Variants in ZNF780B observed in about 807,000 individuals in gnomAD.
ZNF780B encodes zinc finger protein 779.
A neutral mutation model predicts 74.1 loss-of-function variants in ZNF780B; 52 were observed. That is an observed-to-expected ratio of 0.70 (90% CI 0.56 to 0.88). The LOEUF (loss-of-function observed/expected upper bound fraction) is 0.88, where lower values mean the gene tolerates loss of function less well. Among genes scored for constraint, ZNF780B ranks in the 40% least tolerant of loss-of-function variants. The pLI is 0.00. For missense variants in ZNF780B, 953 were observed against 1,007.6 expected, an observed-to-expected ratio of 0.95 and a Z score of 0.73; for synonymous variants, 315 against 324.3, an observed-to-expected ratio of 0.97 and a Z score of 0.31.
chr19:40,047,533 G>C, intron 3 of ZNF780B, 63 bp from the exon 4 acceptor site: 2 of 1,114,932 alleles, frequency 1.8e-6, no homozygotes, highest in Non-Finnish European at 2.5e-6. Context: ...TAAACCCTGA[G>C]ACCTAGTTAA....
intron 3 of ZNF780B, among the ~76,000 whole-genome samples, chr19:40,047,984 T>C (rs1327705250): frequency 6.6e-6 from 1 of 152,204 alleles, no homozygotes; most frequent in East Asian, 1.9e-4. Context: ...TACAGCTCAT[T>C]TTAAGAATTT....
Position 40,036,408 on chromosome 19 carries a change from C to T in ZNF780B, c.451G>A (p.Ala151Thr). 1.9e-6 allele frequency: 3 copies of T among 1,608,948 alleles called. No individual in the cohort carries two copies. The highest frequency in any genetic ancestry group is 1.7e-6 in the Non-Finnish European group (2 of 1,178,380). ...QKIISYEEMP[A>T]YTHASPIHNT... ...TGAATAGGAGAAGCATGAGTATAAG[C>T]AGGCATTTCTTCATAGCTGATGATC... Residue 151 changes from alanine to threonine, a missense_variant, in exon 5 of 5, where the codon GCT (alanine) becomes ACT (threonine). Ala to Thr is a moderately conservative substitution (Grantham distance 58, BLOSUM62 0). Coordinates refer to ENST00000434248, the MANE Select transcript of ZNF780B (RefSeq NM_001005851.3).
intron 4 of ZNF780B, among the ~76,000 whole-genome samples, chr19:40,045,848 C>T (rs571059681): frequency 1.3e-5 from 2 of 152,116 alleles, no homozygotes; most frequent in African/African-American, 4.8e-5. Flanking sequence ...ATTAGCCAGG[C>T]GTGGTGGCAG....
At chr19:40,037,699 A>G (rs1972403426) in intron 4 of ZNF780B, among the ~76,000 whole-genome samples, 1 of 152,148 alleles carries the variant, frequency 6.6e-6, no homozygotes, top group South Asian at 2.1e-4. Context: ...AAACCTTAAC[A>G]CAGAGAACAA....
intron 4 of ZNF780B, among the ~76,000 whole-genome samples, chr19:40,038,830 G>C (rs1223875221): frequency 2.7e-5 from 4 of 150,420 alleles, no homozygotes; most frequent in African/African-American, 9.7e-5. Flanking sequence ...CAGATGAGTA[G>C]GTTGTGAAAA....
Position 40,036,450 on chromosome 19 carries a change from C to T in ZNF780B, c.409G>A (p.Gly137Arg), listed in dbSNP as rs1972321674. ...RFEGRQGHQE[G>R]YINQKIISYE... is the part of the protein sequence containing the mutation. Reference sequence around the variant, plus strand: ...CTGATGATCTTCTGGTTGATATATCCTTCTTGATGTCCCTGTCGTCCCTCA... The same window carrying T: ...CTGATGATCTTCTGGTTGATATATCTTTCTTGATGTCCCTGTCGTCCCTCA... Residue 137 changes from glycine (G) to arginine (R), a missense_variant, in exon 5 of 5, where the codon GGA becomes AGA. By Grantham distance (125) the Gly-to-Arg change is moderately radical (BLOSUM62 -2). Coordinates refer to ENST00000434248, the MANE Select transcript of ZNF780B (RefSeq NM_001005851.3). The T allele has an allele frequency of 6.2e-7, 1 of 1,609,028 alleles. No homozygotes were observed. Among genetic ancestry groups the T allele is most frequent in the Non-Finnish European group, 8.5e-7 (1 of 1,178,746 alleles).
Position 40,034,099 on chromosome 19 carries a change from T to C in ZNF780B, c.*258A>G, listed in dbSNP as rs1972113049. ...GGCCTTTTCACATTCCTTACATTCA[T>C]AGGGTTTCTCATCAGTATGAATTTT... On this transcript the variant is annotated 3_prime_UTR_variant, in exon 5 of 5. Transcript: ENST00000434248. 2 of 544,668 alleles carry C rather than the reference T, an allele frequency of 3.7e-6. No homozygotes were observed. The highest frequency in any genetic ancestry group is 2.8e-5 in the Admixed American group (1 of 35,272). The allele number at this position is 544,668 out of a possible 1,614,324, so 33.7% of individuals were successfully genotyped here. A position where few individuals can be genotyped will look rare whatever the true frequency, so the allele number is the denominator to read the frequency against.
At chr19:40,040,659 A>G (rs1423553960) in intron 4 of ZNF780B, among the ~76,000 whole-genome samples, 1 of 152,152 alleles carries the variant, frequency 6.6e-6, no homozygotes, top group Non-Finnish European at 1.5e-5. Context: ...GTGTCGAGGA[A>G]TTTATCCATT....
At chr19:40,054,210 T>C (rs1973371335) in intron 1 of ZNF780B, among the ~76,000 whole-genome samples, 1 of 151,988 alleles carries the variant, frequency 6.6e-6, no homozygotes, top group South Asian at 2.1e-4. Flanking sequence ...TGTTTACAGG[T>C]CGGGGGTAAT....
chr19:40,048,608 T>C (rs900316232), intron 3 of ZNF780B, 62 bp downstream of exon 3: 27 of 1,612,588 alleles, frequency 1.7e-5, no homozygotes, highest in South Asian at 4.4e-5. Context: ...CTGAAACTCA[T>C]GATGAAGAAA....
At chr19:40,053,256 A>G (rs1186439664) in intron 1 of ZNF780B, among the ~76,000 whole-genome samples, 1 of 152,242 alleles carries the variant, frequency 6.6e-6, no homozygotes, top group Non-Finnish European at 1.5e-5. Context: ...TGGGCAAAGG[A>G]CCTGATAAAC....
chr19:40,049,316 A>G (rs867674443), intron 2 of ZNF780B, among the ~76,000 whole-genome samples: 2 of 150,974 alleles, frequency 1.3e-5, no homozygotes, highest in Non-Finnish European at 2.9e-5. Flanking sequence ...GTGGTATCAG[A>G]TGATAGCAAA....
rs1013153982 is a variant in ZNF780B at position 40,034,010 on chromosome 19, A to G, written c.*347T>C. The G allele has an allele frequency of 1.6e-5, 5 of 307,980 alleles. No individual in the cohort carries two copies. The highest frequency in any genetic ancestry group is 3.1e-5 in the Non-Finnish European group (5 of 160,686). The allele number at this position is 307,980 out of a possible 1,614,324, so 19.1% of individuals were successfully genotyped here. On this transcript the variant is annotated 3_prime_UTR_variant, in exon 5 of 5. Transcript: ENST00000434248. The stretch of plus-strand genomic sequence containing the variant: ...TCCAAAAGTTTTCCACATTCTTTAC[A>G]CTCACAGGGTTTCTCAGCAGTACGG...
In ZNF780B at chr19:40,029,955, T is replaced by A. The variant is rs1464974087; in HGVS notation, c.*4402A>T. 6.6e-6 allele frequency: 1 copy of A among 152,216 alleles called. No individual in the cohort carries two copies. The highest frequency in any genetic ancestry group is 1.5e-5 in the Non-Finnish European group (1 of 68,040). 9.4% of individuals were successfully genotyped at this position (152,216 alleles called of 1,614,324 possible). A position where few individuals can be genotyped will look rare whatever the true frequency, so the allele number is the denominator to read the frequency against. The stretch of plus-strand genomic sequence containing the variant: ...AGGTGCTTCTCAACTTACGGGGAGT[T>A]ATGTCCAAATAAACCCATCATAAAT... On this transcript the variant is annotated 3_prime_UTR_variant, in exon 5 of 5. Coordinates refer to ENST00000434248, the MANE Select transcript of ZNF780B (RefSeq NM_001005851.3).
intron 1 of ZNF780B, among the ~76,000 whole-genome samples, chr19:40,052,385 A>G (rs922899302): frequency 6.6e-6 from 1 of 152,050 alleles, no homozygotes; most frequent in Admixed American, 6.6e-5. Context: ...ATGGATCCAA[A>G]CCTCATGGGT....
intron 1 of ZNF780B, among the ~76,000 whole-genome samples, chr19:40,055,229 T>C (rs1973435530): frequency 6.6e-6 from 1 of 151,626 alleles, no homozygotes; most frequent in African/African-American, 2.4e-5. Flanking sequence ...GCCAAATGGC[T>C]CTGTGAATAT....
intron 1 of ZNF780B, among the ~76,000 whole-genome samples, chr19:40,050,623 A>T (rs1459109449): frequency 2.6e-5 from 4 of 152,260 alleles, no homozygotes; most frequent in Admixed American, 1.3e-4. Flanking sequence ...CGGAAGCATG[A>T]ATGCCGAGCA....
chr19:40,045,663 G>A (rs114139835), intron 4 of ZNF780B, among the ~76,000 whole-genome samples: 162 of 152,274 alleles, frequency 1.1e-3, no homozygotes, highest in African/African-American at 3.8e-3. Context: ...CATGTCATTT[G>A]CAGCAACATG....
At chr19:40,043,084 T>C (rs1568417544) in intron 4 of ZNF780B, among the ~76,000 whole-genome samples, 1 of 152,206 alleles carries the variant, frequency 6.6e-6, no homozygotes, top group Non-Finnish European at 1.5e-5. Flanking sequence ...GTTTTTGGTG[T>C]GGATGTCCTT....
Sources: gnomAD v4.1 joint callset for allele counts (sites outside exome capture counted in the v4.1 genomes callset) on GRCh38, gnomAD v4.1.1 for gene constraint, MANE v1.5 for transcripts, NCBI Gene and HGNC (gene_info 2026-07-23, HGNC 2026-07-21) for gene names.